Variants in VPS37C observed in about 807,000 individuals in gnomAD.
VPS37C encodes the protein vacuolar protein sorting-associated protein 37C.
In VPS37C, 9 loss-of-function variants were observed where a neutral mutation model predicts 16.1. The observed-to-expected ratio is 0.56, with a 90% CI of 0.34 to 0.97. The LOEUF (loss-of-function observed/expected upper bound fraction) is 0.97. Ranked by LOEUF, VPS37C falls within the 50% of genes least tolerant of loss-of-function variation. The probability of loss-of-function intolerance (pLI) is 0.02; values close to 1 mark genes in which losing one functional copy is unlikely to be tolerated. For missense variants in VPS37C, 479 were observed against 472.7 expected (o/e 1.01, Z -0.12); for synonymous variants, 207 against 206.4 (o/e 1.00, Z -0.02).
At chr11:61,134,641 C>T (rs930507371) in intron 2 of VPS37C, among the ~76,000 whole-genome samples, 4 of 152,202 alleles carry the variant, frequency 2.6e-5, no homozygotes, top group Admixed American at 2.6e-4. Context: ...TCAGGTGGTC[C>T]TGGCCAGATG....
chr11:61,135,080 G>T (rs576803510), intron 2 of VPS37C, among the ~76,000 whole-genome samples: 2 of 152,342 alleles, frequency 1.3e-5, no homozygotes, highest in South Asian at 4.1e-4. Context: ...CCGCCACAGG[G>T]CGCAGGGAAC....
At chr11:61,150,454 G>T (rs551265581) in intron 1 of VPS37C, among the ~76,000 whole-genome samples, 2 of 151,950 alleles carry the variant, frequency 1.3e-5, no homozygotes, top group South Asian at 4.2e-4. Context: ...GCGGCGGGAG[G>T]GGTCAAGTAG....
rs776170180 is a variant in VPS37C, at chr11:61,133,324, T to G, written c.279A>C (p.Ser93=). Residue 93 remains serine, a synonymous_variant, in exon 4 of 5, where the codon TCA becomes TCC. Transcript: ENST00000301765. The part of the protein sequence containing the change: ...EQKAKLEKFS[S]ALQPGTLLDL... ...CTAACAAGGTCCCTGGCTGCAGTGCTGAAGAAAATTTCTCTGGAAGGGAGG... is the reference window on the plus strand; with the variant it reads ...CTAACAAGGTCCCTGGCTGCAGTGCGGAAGAAAATTTCTCTGGAAGGGAGG... The G allele has an allele frequency of 1.4e-5, 22 of 1,614,156 alleles. 1 individual carries two copies. Among genetic ancestry groups the G allele is most frequent in the South Asian group, 7.7e-5 (7 of 91,082 alleles).
intron 3 of VPS37C, 135 bp downstream of exon 3, chr11:61,133,901 A>C (rs1050931713): frequency 2.7e-5 from 28 of 1,032,074 alleles, no homozygotes; most frequent in Non-Finnish European, 3.8e-5. Flanking sequence ...TATAAAATGG[A>C]GTAACAACAG....
At chr11:61,134,234 AG>A (rs1353858044) in intron 2 of VPS37C, 27 bp from the exon 3 acceptor site, 4 of 1,595,456 alleles carry the variant, frequency 2.5e-6, no homozygotes, top group Non-Finnish European at 3.4e-6. Flanking sequence ...ACAGAACCTA[AG>A]GAAAACGTCC....
intron 1 of VPS37C, among the ~76,000 whole-genome samples, chr11:61,159,459 G>A (rs941652074): frequency 1.3e-5 from 2 of 152,150 alleles, no homozygotes; most frequent in Non-Finnish European, 2.9e-5. Context: ...GTATCACAGA[G>A]TTAAAAGCAC....
At chr11:61,155,509 A>C (rs1416496142) in intron 1 of VPS37C, among the ~76,000 whole-genome samples, 2 of 152,148 alleles carry the variant, frequency 1.3e-5, no homozygotes, top group South Asian at 2.1e-4. Context: ...TTAAAAAGCA[A>C]GAAGAAAAAA....
intron 1 of VPS37C, among the ~76,000 whole-genome samples, chr11:61,145,694 G>A (rs1467008636): frequency 6.6e-6 from 1 of 152,244 alleles, no homozygotes; most frequent in Non-Finnish European, 1.5e-5. Flanking sequence ...TGCTGGTGGT[G>A]TCTGACTCCA....
intron 4 of VPS37C, 153 bp downstream of exon 4, chr11:61,133,102 G>C (rs1258560217): frequency 3.6e-6 from 3 of 827,478 alleles, no homozygotes; most frequent in East Asian, 2.7e-5. Context: ...TACCCAAAAG[G>C]CCTCCCCAGG....
intron 2 of VPS37C, 47 bp from the exon 3 acceptor site, chr11:61,134,254 TA>T (rs1397030712): frequency 1.3e-6 from 2 of 1,576,416 alleles, no homozygotes; most frequent in African/African-American, 2.7e-5. Flanking sequence ...CCATCACCCT[TA>T]ACCTCCTGGC....
At chr11:61,145,206 T>A (rs1276075015) in intron 1 of VPS37C, 1 of 152,178 alleles carries the variant, frequency 6.6e-6, no homozygotes, top group Non-Finnish European at 1.5e-5. Context: ...ATAAAATGAA[T>A]CCCAGAAAGA....
At chr11:61,153,277 T>C (rs1448013982) in intron 1 of VPS37C, among the ~76,000 whole-genome samples, 2 of 152,334 alleles carry the variant, frequency 1.3e-5, no homozygotes, top group South Asian at 4.1e-4. Flanking sequence ...TTTATAAGTG[T>C]TTGACAGTTT....
At chr11:61,145,799 G>A (rs1411126372) in intron 1 of VPS37C, among the ~76,000 whole-genome samples, 4 of 152,204 alleles carry the variant, frequency 2.6e-5, no homozygotes, top group Admixed American at 2.6e-4. Context: ...GGGTTCCTGA[G>A]ATGTCCTTCG....
At chr11:61,143,443 T>A (rs1369803893) in intron 1 of VPS37C, 1 of 139,582 alleles carries the variant, frequency 7.2e-6, no homozygotes, top group Non-Finnish European at 1.5e-5. Context: ...AGTGGCACAA[T>A]CTCAGCTCAC....
rs1197917617 is a variant in VPS37C at position 61,131,922 on chromosome 11, G to A, written c.966C>T (p.Gly322=). Residue 322 remains glycine (G), a synonymous_variant, in exon 5 of 5, where the codon GGC becomes GGT. Coordinates refer to ENST00000301765, the MANE Select transcript of VPS37C (RefSeq NM_017966.5). ...PIQPQLPSFP[G]QPQPSVPLQP... ...GCAGGGGCACTGAGGGCTGGGGCTGGCCTGGAAAGCTGGGGAGCTGAGGCT... is the reference window on the plus strand; with the variant it reads ...GCAGGGGCACTGAGGGCTGGGGCTGACCTGGAAAGCTGGGGAGCTGAGGCT... 1.2e-5 allele frequency: 16 copies of A among 1,295,836 alleles called. No homozygotes were observed. The highest frequency in any genetic ancestry group is 3.9e-6 in the Non-Finnish European group (4 of 1,015,518). The allele number at this position is 1,295,836 out of a possible 1,614,324, so 80.3% of individuals were successfully genotyped here. A position where few individuals can be genotyped will look rare whatever the true frequency, so the allele number is the denominator to read the frequency against.
At chr11:61,134,335 C>T in intron 2 of VPS37C, 128 bp from the exon 3 acceptor site, 3 of 1,029,426 alleles carry the variant, frequency 2.9e-6, no homozygotes, top group Admixed American at 5.3e-5. Flanking sequence ...TGGGGCAATA[C>T]TCAGCCCTCA....
At position 61,138,329 on chromosome 11, in the gene VPS37C, C is replaced by T. The variant is rs186704769; in HGVS notation, c.93+408G>A. 7.4e-5 allele frequency: 13 copies of T among 174,586 alleles called. No homozygotes were observed. The East Asian group carries it at 1.7e-3, about 23-fold the overall frequency. 10.8% of individuals were successfully genotyped at this position (174,586 alleles called of 1,614,324 possible). Reference sequence around the variant, plus strand: ...GGCCAGTTATGAGGAGAAACAGGATCAAATGGGAGACGAGCTAGATCTCAG... The same window carrying T: ...GGCCAGTTATGAGGAGAAACAGGATTAAATGGGAGACGAGCTAGATCTCAG... On this transcript the variant is annotated intron_variant, in intron 2 of 4. Coordinates refer to ENST00000301765, the MANE Select transcript of VPS37C (RefSeq NM_017966.5).
rs765654203 is a variant in VPS37C, at chr11:61,131,848, G to A, written c.1040C>T (p.Pro347Leu). 4.1e-5 allele frequency: 52 copies of A among 1,261,724 alleles called. No homozygotes were observed. The highest frequency in any genetic ancestry group is 1.7e-4 in the African/African-American group (11 of 64,646). The allele number at this position is 1,261,724 out of a possible 1,614,324, so 78.2% of individuals were successfully genotyped here. ...GPAPPYGFPP[P>L]PGPAWPGY ...ATACCCAGGCCAGGCAGGCCCCGGC[G>A]GTGGTGGGAACCCATAGGGAGGGGC... The change falls in exon 5 of 5, where the codon CCG (proline) becomes CTG (leucine). Residue 347 changes from proline to leucine, a missense_variant. Pro to Leu is a moderately conservative substitution (Grantham distance 98, BLOSUM62 -3). Coordinates refer to ENST00000301765, the MANE Select transcript of VPS37C (RefSeq NM_017966.5).
Position 61,134,310 on chromosome 11 carries a change from G to A in VPS37C, c.94-103C>T, listed in dbSNP as rs897699730. 4.5e-5 allele frequency: 59 copies of A among 1,324,156 alleles called. No homozygotes were observed. The South Asian group carries it at 5.4e-4, about 12-fold the overall frequency. The allele number at this position is 1,324,156 out of a possible 1,614,324, so 82.0% of individuals were successfully genotyped here. On this transcript the variant is annotated intron_variant, in intron 2 of 4. Transcript: ENST00000301765. The stretch of plus-strand genomic sequence containing the variant: ...GGGGACACATTGCTCACCTTGGGGC[G>A]GAGAGGCTCATCCTTGGGGCAATAC...
Sources: gnomAD v4.1 joint callset for allele counts (sites outside exome capture counted in the v4.1 genomes callset) on GRCh38, gnomAD v4.1.1 for gene constraint, MANE v1.5 for transcripts, NCBI Gene and HGNC (gene_info 2026-07-23, HGNC 2026-07-21) for gene names.